Variants in OR2L13 observed in about 807,000 individuals in gnomAD.
The protein encoded by OR2L13 is olfactory receptor 2L13.
In OR2L13, 14 loss-of-function variants were observed where a neutral mutation model predicts 15.3. The ratio of observed to expected loss-of-function variants is 0.91; its 90% CI spans 0.60 to 1.43. The LOEUF is 1.43. OR2L13 is among the 40% of genes most tolerant of loss of function. OR2L13 has a pLI of 0.00. For missense variants in OR2L13, 367 were observed against 387.9 expected (o/e 0.95, Z 0.45); for synonymous variants, 152 against 142.9 (o/e 1.06, Z -0.45).
chr1:248,050,052 G>T, the OR2L13 span, among the ~76,000 whole-genome samples: 3 of 152,176 alleles, frequency 2.0e-5, no homozygotes, highest in South Asian at 6.2e-4. Context: ...ATAGAATCAC[G>T]GAACGAATCC....
the OR2L13 span, among the ~76,000 whole-genome samples, chr1:248,086,300 A>G: frequency 6.6e-6 from 1 of 152,176 alleles, no homozygotes; most frequent in African/African-American, 2.4e-5. Context: ...CTGAGTGGTT[A>G]TACTTTTTCA....
chr1:247,985,078 G>T, the OR2L13 span, among the ~76,000 whole-genome samples: 1 of 152,076 alleles, frequency 6.6e-6, no homozygotes, highest in Non-Finnish European at 1.5e-5. Context: ...TTTTACAACT[G>T]AATATGTACT....
the OR2L13 span, among the ~76,000 whole-genome samples, chr1:247,975,937 A>G: frequency 1.3e-5 from 2 of 152,142 alleles, no homozygotes; most frequent in Non-Finnish European, 2.9e-5. Context: ...GTTCAAACTA[A>G]TCATAGCATT....
At chr1:248,068,681 A>G in the OR2L13 span, among the ~76,000 whole-genome samples, 2 of 152,240 alleles carry the variant, frequency 1.3e-5, no homozygotes, top group Non-Finnish European at 2.9e-5. Context: ...ACTCCGAGCT[A>G]CAGGAGGAAA....
the OR2L13 span, among the ~76,000 whole-genome samples, chr1:248,063,793 C>CGTGTGT: frequency 1.4e-5 from 2 of 146,604 alleles, no homozygotes; most frequent in African/African-American, 2.6e-5. Context: ...AAGATGTGTG[C>CGTGTGT]GTGTGTGTGT....
the OR2L13 span, chr1:247,991,257 G>A: frequency 8.5e-7 from 1 of 1,181,756 alleles, no homozygotes; most frequent in South Asian, 1.4e-5. Context: ...CAACTCAGCA[G>A]TGTACGGCGG....
At chr1:248,033,687 C>T in the OR2L13 span, among the ~76,000 whole-genome samples, 2 of 151,810 alleles carry the variant, frequency 1.3e-5, no homozygotes, top group South Asian at 4.2e-4. Context: ...AGCAATTCTG[C>T]CTGCCTTAGC....
chr1:248,047,616 AT>A, the OR2L13 span, among the ~76,000 whole-genome samples: 3 of 152,286 alleles, frequency 2.0e-5, no homozygotes, highest in Non-Finnish European at 4.4e-5. Context: ...AACTTTTACA[AT>A]GTATTTATTT....
At chr1:248,009,030 C>T in the OR2L13 span, among the ~76,000 whole-genome samples, 1 of 152,020 alleles carries the variant, frequency 6.6e-6, no homozygotes, top group Non-Finnish European at 1.5e-5. Flanking sequence ...TGGGACACAG[C>T]TAAAGCAGTG....
the OR2L13 span, chr1:248,062,077 T>G: frequency 6.3e-6 from 1 of 159,182 alleles, no homozygotes; most frequent in South Asian, 1.8e-4. Flanking sequence ...TTTCTTATCT[T>G]AGACACTTAA....
chr1:248,078,931 T>C, the OR2L13 span, among the ~76,000 whole-genome samples: 2 of 152,194 alleles, frequency 1.3e-5, no homozygotes, highest in Non-Finnish European at 2.9e-5. Context: ...GATGAAATTA[T>C]AGTGATATAG....
chr1:247,988,753 C>T, the OR2L13 span, among the ~76,000 whole-genome samples: 1 of 152,180 alleles, frequency 6.6e-6, no homozygotes, highest in Non-Finnish European at 1.5e-5. Flanking sequence ...CTCGAACCAC[C>T]TATACCCAGG....
chr1:248,095,483 C>G (rs979759801), upstream of OR2L13, among the ~76,000 whole-genome samples: 2 of 151,760 alleles, frequency 1.3e-5, no homozygotes, highest in Non-Finnish European at 2.9e-5. Context: ...AATGCAGAGC[C>G]TATTGATCAG....
chr1:247,986,527 G>A, the OR2L13 span, among the ~76,000 whole-genome samples: 66 of 152,292 alleles, frequency 4.3e-4, 2 homozygotes, highest in Non-Finnish European at 7.5e-4. Context: ...TTGTAGTATA[G>A]TTTGAAGTCA....
At chr1:247,941,833 C>T in the OR2L13 span, among the ~76,000 whole-genome samples, 2 of 152,138 alleles carry the variant, frequency 1.3e-5, no homozygotes, top group Admixed American at 1.3e-4. Context: ...GTCTCTTATT[C>T]TCTTCGGCAT....
the OR2L13 span, among the ~76,000 whole-genome samples, chr1:247,955,599 C>T: frequency 6.6e-6 from 1 of 150,616 alleles, no homozygotes; most frequent in Non-Finnish European, 1.5e-5. Context: ...TCCACATCCT[C>T]TCCAGCACCT....
upstream of OR2L13, chr1:248,095,179 C>T (rs1024057965): frequency 6.6e-6 from 1 of 152,212 alleles, no homozygotes; most frequent in Non-Finnish European, 1.5e-5. Flanking sequence ...TATAGCCATT[C>T]ATCCTTCTGT....
chr1:248,023,641 G>A, the OR2L13 span: 1 of 152,114 alleles, frequency 6.6e-6, no homozygotes, highest in African/African-American at 2.4e-5. Flanking sequence ...ATACATCTTG[G>A]ATTGGGATCA....
At chr1:248,059,741 T>C in the OR2L13 span, among the ~76,000 whole-genome samples, 1 of 152,144 alleles carries the variant, frequency 6.6e-6, no homozygotes, top group Non-Finnish European at 1.5e-5. Flanking sequence ...GTTTTAGAAG[T>C]AAATCTGGCA....
Sources: allele counts gnomAD v4.1 joint callset (sites outside exome capture counted in the v4.1 genomes callset), GRCh38; gene constraint gnomAD v4.1.1; transcripts MANE v1.5; gene names NCBI Gene and HGNC (gene_info 2026-07-23, HGNC 2026-07-21).